The following TXNL4A variants were observed in gnomAD, a reference collection of about 807,000 sequenced individuals.
TXNL4A encodes the protein thioredoxin-like protein 4A.
A neutral mutation model predicts 14.6 loss-of-function variants in TXNL4A; 17 were observed. The ratio of observed to expected loss-of-function variants is 1.16; its 90% CI spans 0.80 to 1.74. The LOEUF is 1.74. TXNL4A is among the 40% of genes most tolerant of loss of function. TXNL4A has a pLI of 0.00. For missense variants in TXNL4A, 74 were observed against 195.2 expected (o/e 0.38, Z 3.70); for synonymous variants, 83 against 70.6 (o/e 1.18, Z -0.88).
At position 79,973,385 on chromosome 18, in the gene TXNL4A, C is replaced by A. The variant is rs2051329261; in HGVS notation, c.*300G>T. 1 of 290,076 alleles carries A rather than the reference C, an allele frequency of 3.4e-6. No individual in the cohort carries two copies. The highest frequency in any genetic ancestry group is 4.9e-5 in the Admixed American group (1 of 20,430). The allele number at this position is 290,076 out of a possible 1,614,324, so 18.0% of individuals were successfully genotyped here. ...TCACCGCAGCCCCAGCAAACCAACC[C>A]AGTATGCAAAACGCACAGGCTCACA... On this transcript the variant is annotated 3_prime_UTR_variant, in exon 3 of 3. Transcript: ENST00000269601.
In TXNL4A at chr18:79,973,834, A is replaced by G. The variant is rs1158394007; in HGVS notation, c.280T>C (p.Leu94=). Reference sequence around the variant, plus strand: ...ATCTTGTTGTTGTTGCCAGTCCCCAAGTCAATCATGATGTGCTTGTTCCTG... The same window carrying G: ...ATCTTGTTGTTGTTGCCAGTCCCCAGGTCAATCATGATGTGCTTGTTCCTG... ...FFRNKHIMID[L]GTGNNNKINW... The change falls in exon 3 of 3, where the codon TTG becomes CTG. Residue 94 remains leucine (L), a synonymous_variant. Transcript: ENST00000269601. 1.2e-6 allele frequency: 2 copies of G among 1,613,976 alleles called. No individual in the cohort carries two copies. The highest frequency in any genetic ancestry group is 2.7e-5 in the African/African-American group (2 of 74,902).
chr18:80,013,840 G>A (rs1002611311), intron 1 of TXNL4A, among the ~76,000 whole-genome samples: 4 of 152,198 alleles, frequency 2.6e-5, no homozygotes, highest in Admixed American at 1.3e-4. Flanking sequence ...TGATAAAGAC[G>A]TACCTGAAAC....
chr18:80,006,077 T>C (rs747068617), intron 1 of TXNL4A, among the ~76,000 whole-genome samples: 1 of 151,652 alleles, frequency 6.6e-6, no homozygotes, highest in East Asian at 2.0e-4. Flanking sequence ...CTGGGCAAGA[T>C]AGACCTTATC....
intron 1 of TXNL4A, among the ~76,000 whole-genome samples, chr18:80,022,156 A>G (rs1180513770): frequency 6.6e-6 from 1 of 152,202 alleles, no homozygotes; most frequent in East Asian, 1.9e-4. Context: ...AATGAGCAGG[A>G]AACTTGAGCC....
intron 1 of TXNL4A, among the ~76,000 whole-genome samples, chr18:80,024,178 T>G (rs1458793762): frequency 1.4e-5 from 2 of 147,146 alleles, no homozygotes; most frequent in Non-Finnish European, 3.1e-5. Flanking sequence ...CTGAGGTTTA[T>G]TCACTGTTTA....
intron 1 of TXNL4A, among the ~76,000 whole-genome samples, chr18:80,007,956 G>A (rs958173740): frequency 2.0e-5 from 3 of 152,028 alleles, no homozygotes; most frequent in African/African-American, 4.8e-5. Flanking sequence ...CCTCCTCACA[G>A]CCTAGGCAAC....
At chr18:79,977,556 C>T (rs368956183) in intron 2 of TXNL4A, 42 bp downstream of exon 2, 1 of 1,452,322 alleles carries the variant, frequency 6.9e-7, no homozygotes, top group East Asian at 2.3e-5. Context: ...AGCTTCCAAA[C>T]TGACAATATT....
intron 1 of TXNL4A, among the ~76,000 whole-genome samples, chr18:80,004,902 G>C (rs2051719821): frequency 6.6e-6 from 1 of 152,218 alleles, no homozygotes; most frequent in African/African-American, 2.4e-5. Flanking sequence ...GAAGAGTCCA[G>C]AACAGAAGCC....
chr18:80,004,129 T>TA (rs11306129), intron 1 of TXNL4A, among the ~76,000 whole-genome samples: 77 of 145,638 alleles, frequency 5.3e-4, no homozygotes, highest in African/African-American at 1.8e-3. Context: ...ATAAGCTACT[T>TA]AAAAAAAAAA....
At chr18:79,984,467 AG>A (rs1215628644) in intron 1 of TXNL4A, among the ~76,000 whole-genome samples, 4 of 152,162 alleles carry the variant, frequency 2.6e-5, no homozygotes, top group Non-Finnish European at 5.9e-5. Flanking sequence ...GTGGTGGTGC[AG>A]GCCTGTAGTC....
chr18:79,994,506 AC>A (rs1200046169), intron 1 of TXNL4A, among the ~76,000 whole-genome samples: 2 of 151,672 alleles, frequency 1.3e-5, no homozygotes, highest in Admixed American at 1.3e-4. Context: ...CCAATCGAGA[AC>A]TCTCTAATCG....
intron 1 of TXNL4A, among the ~76,000 whole-genome samples, chr18:79,994,146 T>TA (rs1304122742): frequency 1.3e-5 from 2 of 152,212 alleles, no homozygotes; most frequent in African/African-American, 2.4e-5. Flanking sequence ...GCAAAATACT[T>TA]ACGGCAAATT....
intron 1 of TXNL4A, among the ~76,000 whole-genome samples, chr18:80,028,166 C>T (rs1441677702): frequency 6.7e-6 from 1 of 149,402 alleles, no homozygotes; most frequent in Non-Finnish European, 1.5e-5. Context: ...ACATGGTGAT[C>T]ATCAGAGGCC....
chr18:80,023,481 G>T (rs2051863473), intron 1 of TXNL4A, among the ~76,000 whole-genome samples: 1 of 152,140 alleles, frequency 6.6e-6, no homozygotes, highest in African/African-American at 2.4e-5. Context: ...GAGAGGTTTG[G>T]GGTTTGATAG....
intron 1 of TXNL4A, among the ~76,000 whole-genome samples, chr18:80,021,103 T>C (rs570328928): frequency 2.6e-5 from 4 of 152,256 alleles, no homozygotes; most frequent in African/African-American, 9.6e-5. Context: ...TGATAATGCT[T>C]GCCCAAACAG....
chr18:79,977,950 T>C, intron 1 of TXNL4A: 1 of 489,742 alleles, frequency 2.0e-6, no homozygotes, highest in Non-Finnish European at 3.6e-6. Flanking sequence ...ATTATAGGAG[T>C]GAGCCATCAC....
chr18:80,024,573 G>A (rs1187800887), intron 1 of TXNL4A, among the ~76,000 whole-genome samples: 2 of 152,174 alleles, frequency 1.3e-5, no homozygotes, highest in African/African-American at 4.8e-5. Flanking sequence ...TTCCATGCTG[G>A]AGAAATAGAG....
intron 1 of TXNL4A, among the ~76,000 whole-genome samples, chr18:80,007,332 A>G (rs1488856286): frequency 6.6e-6 from 1 of 152,208 alleles, no homozygotes; most frequent in Non-Finnish European, 1.5e-5. Flanking sequence ...AAGGGCTCAC[A>G]ACACTAAAGA....
chr18:79,994,706 C>G (rs1038321735), intron 1 of TXNL4A, among the ~76,000 whole-genome samples: 1 of 152,192 alleles, frequency 6.6e-6, no homozygotes, highest in Non-Finnish European at 1.5e-5. Flanking sequence ...AACTGCCAAT[C>G]GAGAACTCTC....
Sources: gnomAD v4.1 joint callset for allele counts (sites outside exome capture counted in the v4.1 genomes callset) on GRCh38, gnomAD v4.1.1 for gene constraint, MANE v1.5 for transcripts, NCBI Gene and HGNC (gene_info 2026-07-23, HGNC 2026-07-21) for gene names.